The following NEDD4L variants were observed in gnomAD, a reference collection of about 807,000 sequenced individuals.
NEDD4L encodes NEDD4 like E3 ubiquitin protein ligase, also known as E3 ubiquitin-protein ligase NEDD4-like.
NEDD4L carries 54 observed loss-of-function variants against 148.9 expected under a neutral mutation model. That is an observed-to-expected ratio of 0.36 (90% confidence interval 0.29 to 0.45). The LOEUF (loss-of-function observed/expected upper bound fraction) is 0.45. Ranked by LOEUF, NEDD4L falls within the 20% of genes least tolerant of loss-of-function variation. The pLI is 1.00. For synonymous variants in NEDD4L, 433 were observed against 440.7 expected (o/e 0.98, Z 0.22); for missense variants, 856 against 1,233.8 (o/e 0.69, Z 4.59).
intron 6 of NEDD4L, among the ~76,000 whole-genome samples, 187 bp from the exon 7 acceptor site, chr18:58,322,238 G>A (rs1324453726): frequency 6.6e-6 from 1 of 152,134 alleles, no homozygotes; most frequent in African/African-American, 2.4e-5. Context: ...AACCCGGTGT[G>A]GATAGTGACA....
intron 24 of NEDD4L, among the ~76,000 whole-genome samples, chr18:58,378,612 G>A (rs1826249942): frequency 6.6e-6 from 1 of 152,214 alleles, no homozygotes; most frequent in South Asian, 2.1e-4. Context: ...TGCTGGAGAG[G>A]CTGGGGAGGA....
intron 1 of NEDD4L, among the ~76,000 whole-genome samples, chr18:58,146,193 G>A (rs905886520): frequency 6.6e-6 from 1 of 152,202 alleles, no homozygotes; most frequent in Non-Finnish European, 1.5e-5. Context: ...TTAGCCATTT[G>A]ATGTGCTGAT....
At chr18:58,087,806 G>A (rs1024357775) in intron 1 of NEDD4L, among the ~76,000 whole-genome samples, 3 of 152,170 alleles carry the variant, frequency 2.0e-5, no homozygotes, top group Non-Finnish European at 4.4e-5. Flanking sequence ...CCTGGGAGGC[G>A]GAGGTTACGG....
chr18:58,385,293 G>A (rs2048859581), intron 25 of NEDD4L, among the ~76,000 whole-genome samples: 1 of 152,180 alleles, frequency 6.6e-6, no homozygotes, highest in Admixed American at 6.5e-5. Context: ...AAACCTTGAT[G>A]TGGGGGAAGT....
chr18:58,131,866 T>C (rs1172843665), intron 1 of NEDD4L, among the ~76,000 whole-genome samples: 1 of 152,180 alleles, frequency 6.6e-6, no homozygotes, highest in Non-Finnish European at 1.5e-5. Context: ...ACCTGGAAAG[T>C]TGTGGGAAGA....
chr18:58,350,211 G>T (rs1322968452), intron 17 of NEDD4L, among the ~76,000 whole-genome samples: 1 of 152,114 alleles, frequency 6.6e-6, no homozygotes, highest in African/African-American at 2.4e-5. Flanking sequence ...GGACTCCAAG[G>T]CTATTTTTAA....
intron 2 of NEDD4L, among the ~76,000 whole-genome samples, chr18:58,210,199 A>G (rs1291781112): frequency 6.6e-6 from 1 of 152,142 alleles, no homozygotes; most frequent in African/African-American, 2.4e-5. Context: ...AAAGAAATAG[A>G]TAATAGGAAT....
chr18:58,388,953 C>T lies in NEDD4L; in HGVS notation c.2548-132C>T. ...GCCTGGAACAGGTGTCTGCCTTCCT[C>T]TGTTGTTATGATTTGCTAGCTTACC... On this transcript the variant is annotated intron_variant, in intron 27 of 30. Transcript: ENST00000400345. 7.0e-6 allele frequency: 5 copies of T among 717,706 alleles called. No individual in the cohort carries two copies. The South Asian group carries it at 8.1e-5, about 12-fold the overall frequency. 44.5% of individuals were successfully genotyped at this position (717,706 alleles called of 1,614,324 possible).
At chr18:58,289,889 C>A (rs201536011) in intron 5 of NEDD4L, among the ~76,000 whole-genome samples, 2 of 152,332 alleles carry the variant, frequency 1.3e-5, no homozygotes, top group East Asian at 3.9e-4. Context: ...ATCAGGGTCT[C>A]ACCCCAGCAT....
At chr18:58,244,392 T>G (rs2046999585) in intron 2 of NEDD4L, among the ~76,000 whole-genome samples, 1 of 152,226 alleles carries the variant, frequency 6.6e-6, no homozygotes, top group Non-Finnish European at 1.5e-5. Flanking sequence ...GATATTTTGA[T>G]TAGATTTGAG....
chr18:58,283,985 T>C (rs535947766), intron 5 of NEDD4L, among the ~76,000 whole-genome samples: 1 of 152,268 alleles, frequency 6.6e-6, no homozygotes, highest in East Asian at 1.9e-4. Flanking sequence ...AGGTGATGCT[T>C]CTACAAGGCA....
In NEDD4L at chr18:58,254,270, A is replaced by AT. The variant is rs909114317; in HGVS notation, c.297+2224dup. Among the ~76,000 whole-genome samples the AT allele has an allele frequency of 3.6e-4, 55 of 151,684 alleles. 1 individual carries two copies. The East Asian group carries it at 6.0e-3, about 17-fold the overall frequency. ...TTACAGCTTGGTATTTTCCCCTCCT[A>AT]TTTTTTTTACCTCCTCTAAATAAAC... On this transcript the variant is annotated intron_variant, in intron 5 of 30. Transcript: ENST00000400345.
intron 1 of NEDD4L, among the ~76,000 whole-genome samples, chr18:58,097,929 G>A (rs1202627563): frequency 1.3e-5 from 2 of 152,056 alleles, no homozygotes; most frequent in African/African-American, 2.4e-5. Context: ...CTTGGGAGGC[G>A]GATGTGGGAG....
intron 1 of NEDD4L, among the ~76,000 whole-genome samples, chr18:58,050,469 CAAT>C (rs1388479832): frequency 1.3e-5 from 2 of 148,910 alleles, no homozygotes; most frequent in African/African-American, 5.0e-5. Flanking sequence ...GACTCTGTCA[CAAT>C]AATAACAGGC....
chr18:58,267,903 AG>A (rs1311265028), intron 5 of NEDD4L, among the ~76,000 whole-genome samples: 2 of 152,186 alleles, frequency 1.3e-5, no homozygotes, highest in Non-Finnish European at 2.9e-5. Flanking sequence ...ATAGAGAGGC[AG>A]GCCCTTCAGA....
chr18:58,147,660 C>T (rs759867298), intron 1 of NEDD4L, among the ~76,000 whole-genome samples: 6 of 152,118 alleles, frequency 3.9e-5, no homozygotes, highest in Non-Finnish European at 8.8e-5. Flanking sequence ...TCGAAGTACA[C>T]GCGAGTTCAG....
chr18:58,046,838 CCA>C (rs2081607252), intron 1 of NEDD4L: 1 of 152,168 alleles, frequency 6.6e-6, no homozygotes, highest in Non-Finnish European at 1.5e-5. Context: ...GTATTTAGTT[CCA>C]CACACATTGT....
chr18:58,176,388 T>G (rs930433276), intron 2 of NEDD4L, among the ~76,000 whole-genome samples: 1 of 152,156 alleles, frequency 6.6e-6, no homozygotes, highest in African/African-American at 2.4e-5. Context: ...CAGGTTAGAG[T>G]GCAGGGGTGC....
intron 14 of NEDD4L, 61 bp from the exon 15 acceptor site, chr18:58,341,617 C>T (rs543142435): frequency 1.3e-6 from 2 of 1,567,526 alleles, no homozygotes; most frequent in African/African-American, 1.4e-5. Flanking sequence ...GGTTCGCGCT[C>T]CTAATCACAC....
Sources: allele counts gnomAD v4.1 joint callset (sites outside exome capture counted in the v4.1 genomes callset), GRCh38; gene constraint gnomAD v4.1.1; transcripts MANE v1.5; gene names NCBI Gene and HGNC (gene_info 2026-07-23, HGNC 2026-07-21).